Variants in RAPGEF5 observed in about 807,000 individuals in gnomAD.
RAPGEF5 encodes M-Ras-regulated GEF.
RAPGEF5 carries 65 observed loss-of-function variants against 125.2 expected under a neutral mutation model. That is an observed-to-expected ratio of 0.52 (90% CI 0.43 to 0.64). RAPGEF5 has a LOEUF of 0.64. Ranked by LOEUF, RAPGEF5 falls within the 30% of genes least tolerant of loss-of-function variation. The probability of loss-of-function intolerance (pLI) is 0.00; values close to 1 mark genes in which losing one functional copy is unlikely to be tolerated. For synonymous variants in RAPGEF5, 391 were observed against 385.9 expected, an observed-to-expected ratio of 1.01 and a Z score of -0.16; for missense variants, 958 against 1,048.1, an observed-to-expected ratio of 0.91 and a Z score of 1.19.
intron 5 of RAPGEF5, among the ~76,000 whole-genome samples, chr7:22,298,231 G>GAAACTC (rs1783112288): frequency 6.7e-6 from 1 of 149,802 alleles, no homozygotes; most frequent in Non-Finnish European, 1.5e-5. Context: ...AGGCTGGAGT[G>GAAACTC]CAATGGCGTG....
intron 7 of RAPGEF5, among the ~76,000 whole-genome samples, chr7:22,259,947 G>A (rs1458963368): frequency 6.6e-6 from 1 of 152,202 alleles, no homozygotes; most frequent in Non-Finnish European, 1.5e-5. Flanking sequence ...ACCCGGGTGT[G>A]GTGGCAGGTG....
intron 20 of RAPGEF5, among the ~76,000 whole-genome samples, chr7:22,143,819 GA>G (rs1355225730): frequency 6.6e-6 from 1 of 152,176 alleles, no homozygotes; most frequent in East Asian, 1.9e-4. Flanking sequence ...TTTTGCACAG[GA>G]GCCAGCTGAG....
intron 25 of RAPGEF5, among the ~76,000 whole-genome samples, chr7:22,124,834 G>A (rs973279780): frequency 1.3e-5 from 2 of 152,178 alleles, no homozygotes; most frequent in South Asian, 2.1e-4. Context: ...GGTAGACTCA[G>A]TCTGAATAAT....
At chr7:22,352,611 T>C (rs1407276017) in intron 1 of RAPGEF5, among the ~76,000 whole-genome samples, 1 of 152,106 alleles carries the variant, frequency 6.6e-6, no homozygotes, top group Non-Finnish European at 1.5e-5. Context: ...TTGACTGAAG[T>C]GACAGAAACA....
chr7:22,217,619 G>A (rs1785671085), intron 9 of RAPGEF5, among the ~76,000 whole-genome samples: 1 of 152,178 alleles, frequency 6.6e-6, no homozygotes, highest in Non-Finnish European at 1.5e-5. Context: ...CTGCAGAAGG[G>A]AGATGACAGA....
rs535216764 is a variant in RAPGEF5, at chr7:22,219,766, A to G, written c.996+100T>C. On this transcript the variant is annotated intron_variant, in intron 9 of 25. Transcript: ENST00000665637. ...GGGGGGAAAAAAACCCCCAAAACCT[A>G]AAGAATTTAAAATAAAATAGTCTTT... is the stretch of plus-strand genomic sequence containing the variant. The G allele has an allele frequency of 5.9e-4, 849 of 1,438,810 alleles. 12 individuals are homozygous for G. The South Asian group carries it at 0.013, about 22-fold the overall frequency. 89.1% of individuals were successfully genotyped at this position (1,438,810 alleles called of 1,614,324 possible). A position where few individuals can be genotyped will look rare whatever the true frequency, so the allele number is the denominator to read the frequency against.
intron 7 of RAPGEF5, among the ~76,000 whole-genome samples, chr7:22,251,216 A>T (rs1244835014): frequency 6.6e-6 from 1 of 152,216 alleles, no homozygotes. Context: ...AAAATGTTGT[A>T]CCTTACAGAG....
chr7:22,269,652 T>A (rs187168881), intron 6 of RAPGEF5, among the ~76,000 whole-genome samples: 231 of 152,338 alleles, frequency 1.5e-3, no homozygotes, highest in Middle Eastern at 0.01. Context: ...CCTTTGCAAA[T>A]AATTGTTAGG....
chr7:22,142,297 C>T (rs1783288465), intron 20 of RAPGEF5, among the ~76,000 whole-genome samples: 1 of 152,198 alleles, frequency 6.6e-6, no homozygotes, highest in African/African-American at 2.4e-5. Context: ...GTTCCTAGTA[C>T]ACAAGAAGCC....
rs534214126 is a variant in RAPGEF5 at position 22,146,900 on chromosome 7, G to A, written c.2004C>T (p.His668=). 151 of 1,608,844 alleles carry A rather than the reference G, an allele frequency of 9.4e-5. No individual in the cohort carries two copies. In the East Asian group the frequency reaches 2.9e-3, roughly 31 times the overall value. ...NFDWSLFNSI[H]EQELIYFTFS... is the part of the protein sequence containing the mutation. ...TATCTTGTCACTCCTCATTTACCTC[G>A]TGAATTGAATTGAATAGACTCCAAT... The change falls in exon 19 of 26, where the codon CAC becomes CAT. Residue 668 remains histidine (H), a synonymous_variant. Transcript: ENST00000665637.
chr7:22,171,118 C>T (rs894978817), intron 11 of RAPGEF5, among the ~76,000 whole-genome samples: 41 of 151,466 alleles, frequency 2.7e-4, no homozygotes, highest in African/African-American at 9.2e-4. Flanking sequence ...AATAAAAGTG[C>T]AATTTATAAC....
rs115131958 is a variant in RAPGEF5, at chr7:22,167,200, G to A, written c.1205-52C>T. On this transcript the variant is annotated intron_variant, in intron 11 of 25. Transcript: ENST00000665637. Reference sequence around the variant, plus strand: ...AGGTAAGCAAAGAGGTGGATAAGAAGAGCAGCTGCTTATCTGGGCCCCAGA... The same window carrying A: ...AGGTAAGCAAAGAGGTGGATAAGAAAAGCAGCTGCTTATCTGGGCCCCAGA... The A allele has an allele frequency of 2.7e-3, 3,828 of 1,418,460 alleles. 90 individuals carry two copies. In the African/African-American group the frequency reaches 0.048, roughly 18 times the overall value. The allele number at this position is 1,418,460 out of a possible 1,614,324, so 87.9% of individuals were successfully genotyped here.
At chr7:22,282,310 T>C (rs1260207781) in intron 6 of RAPGEF5, among the ~76,000 whole-genome samples, 1 of 152,172 alleles carries the variant, frequency 6.6e-6, no homozygotes, top group Non-Finnish European at 1.5e-5. Context: ...TGATAACCAG[T>C]CTGAATAAAC....
chr7:22,223,980 A>G (rs1018049290), intron 8 of RAPGEF5, among the ~76,000 whole-genome samples: 9 of 152,212 alleles, frequency 5.9e-5, no homozygotes, highest in African/African-American at 2.2e-4. Context: ...CAACTGCCCA[A>G]TTCTGCAAGA....
At chr7:22,214,168 T>C (rs916449642) in intron 9 of RAPGEF5, among the ~76,000 whole-genome samples, 4 of 152,162 alleles carry the variant, frequency 2.6e-5, no homozygotes, top group Admixed American at 6.5e-5. Flanking sequence ...GGCTGAGTGA[T>C]AGAGACCCTA....
intron 1 of RAPGEF5, among the ~76,000 whole-genome samples, chr7:22,318,546 C>G (rs1470270263): frequency 6.6e-6 from 1 of 152,150 alleles, no homozygotes; most frequent in African/African-American, 2.4e-5. Context: ...TTAATCCATG[C>G]CCCCTCAGCT....
chr7:22,315,389 T>G lies in RAPGEF5; in HGVS notation c.370A>C (p.Asn124His). Residue 124 changes from asparagine to histidine, a missense_variant, in exon 3 of 26, where the codon AAC (asparagine) becomes CAC (histidine). Coordinates refer to ENST00000665637, the MANE Select transcript of RAPGEF5 (RefSeq NM_012294.5). ...TGTTACCTGTAAAACCCCTTGAGGTTCACTCTGTCCTTTATCAGGTCAGCT... is the reference window on the plus strand; with the variant it reads ...TGTTACCTGTAAAACCCCTTGAGGTGCACTCTGTCCTTTATCAGGTCAGCT... ...QAADLIKDRVNLKGFYRRSCV... is the reference protein window; with the variant it reads ...QAADLIKDRVHLKGFYRRSCV... 3.2e-6 allele frequency: 5 copies of G among 1,542,242 alleles called. No homozygotes were observed. The highest frequency in any genetic ancestry group is 4.4e-6 in the Non-Finnish European group (5 of 1,143,204).
At chr7:22,294,340 C>A (rs910626717) in intron 5 of RAPGEF5, among the ~76,000 whole-genome samples, 1 of 152,194 alleles carries the variant, frequency 6.6e-6, no homozygotes, top group Non-Finnish European at 1.5e-5. Context: ...GGTTACCTTT[C>A]AAGGTCTCTG....
chr7:22,246,439 C>A (rs919323806), intron 7 of RAPGEF5, among the ~76,000 whole-genome samples: 2 of 152,156 alleles, frequency 1.3e-5, no homozygotes, highest in Non-Finnish European at 2.9e-5. Context: ...CTACACCCAT[C>A]TGATCTCTGA....
Sources: allele counts gnomAD v4.1 joint callset (sites outside exome capture counted in the v4.1 genomes callset), GRCh38; gene constraint gnomAD v4.1.1; transcripts MANE v1.5; gene names NCBI Gene and HGNC (gene_info 2026-07-23, HGNC 2026-07-21).